Variants in TANK observed in about 807,000 individuals in gnomAD.
TANK encodes the protein TRAF family member-associated NF-kappa-B activator.
A neutral mutation model predicts 43.6 loss-of-function variants in TANK; 15 were observed. The observed-to-expected ratio is 0.34, with a 90% CI of 0.23 to 0.53. The LOEUF (loss-of-function observed/expected upper bound fraction) is 0.53, where lower values mean the gene tolerates loss of function less well. TANK is among the 20% of genes least tolerant of loss of function. The pLI is 0.94. For missense variants in TANK, 417 were observed against 498.6 expected, an observed-to-expected ratio of 0.84 and a Z score of 1.56; for synonymous variants, 162 against 178.2, an observed-to-expected ratio of 0.91 and a Z score of 0.73.
At position 161,231,039 on chromosome 2, in the gene TANK, C is replaced by A; in HGVS notation, c.589C>A (p.Gln197Lys). ...TDKQEALFKP[Q>K]AKDDINRGAP... ...TAAACAAGAAGCGCTGTTTAAGCCT[C>A]AGGCTAAAGATGATATAAATAGAGG... Residue 197 changes from glutamine (Q) to lysine (K), a missense_variant, in exon 7 of 8, where the codon CAG becomes AAG. Physicochemically the swap from Gln to Lys is moderately conservative, Grantham distance 53 (BLOSUM62 1). Transcript: ENST00000392749. 6.2e-7 allele frequency: 1 copy of A among 1,614,086 alleles called. No homozygotes were observed. The highest frequency in any genetic ancestry group is 8.5e-7 in the Non-Finnish European group (1 of 1,179,998).
intron 1 of TANK, among the ~76,000 whole-genome samples, chr2:161,138,397 T>C (rs1051783954): frequency 6.6e-6 from 1 of 152,198 alleles, no homozygotes; most frequent in African/African-American, 2.4e-5. Context: ...TGCATTCTTA[T>C]AATGTTAAAA....
chr2:161,147,296 C>CA (rs940458493), intron 1 of TANK, among the ~76,000 whole-genome samples: 1 of 152,230 alleles, frequency 6.6e-6, no homozygotes, highest in African/African-American at 2.4e-5. Flanking sequence ...TCTCTCCCCC[C>CA]AAGGAGCTCA....
intron 2 of TANK, among the ~76,000 whole-genome samples, chr2:161,195,833 C>T (rs183833800): frequency 8.5e-5 from 13 of 152,288 alleles, no homozygotes; most frequent in Non-Finnish European, 1.2e-4. Flanking sequence ...GTAATACTAG[C>T]ACTTTTTTTG....
intron 1 of TANK, 176 bp downstream of exon 1, chr2:161,160,662 C>T (rs1684376792): frequency 2.1e-6 from 1 of 481,548 alleles, no homozygotes; most frequent in African/African-American, 2.0e-5. Flanking sequence ...GCGGGAGAAA[C>T]CACGCGAGTC....
intron 1 of TANK, chr2:161,161,290 G>A: frequency 6.4e-7 from 1 of 1,550,616 alleles, no homozygotes; most frequent in Non-Finnish European, 8.7e-7. Flanking sequence ...CACAGGAGAT[G>A]CTTTTGACAA....
chr2:161,216,129 A>G (rs958116923), intron 4 of TANK, among the ~76,000 whole-genome samples: 4 of 152,112 alleles, frequency 2.6e-5, no homozygotes, highest in East Asian at 1.9e-4. Context: ...AAGTAATTCC[A>G]TATTTAATGG....
At chr2:161,160,736 C>T in intron 1 of TANK, 3 of 543,564 alleles carry the variant, frequency 5.5e-6, no homozygotes, top group South Asian at 5.1e-5. Context: ...ATAGCATCGT[C>T]GGCCTCTGCC....
intron 2 of TANK, among the ~76,000 whole-genome samples, chr2:161,188,771 G>A (rs991572895): frequency 2.6e-5 from 4 of 152,076 alleles, no homozygotes; most frequent in Admixed American, 6.6e-5. Flanking sequence ...AATGTTTGTC[G>A]CCTCCAAAAC....
At chr2:161,150,089 T>A (rs957408162) in intron 1 of TANK, among the ~76,000 whole-genome samples, 1 of 152,184 alleles carries the variant, frequency 6.6e-6, no homozygotes, top group Non-Finnish European at 1.5e-5. Flanking sequence ...AATTCACCAG[T>A]GAAGCTATCT....
At chr2:161,230,234 T>C (rs1687841058) in intron 6 of TANK, among the ~76,000 whole-genome samples, 1 of 152,232 alleles carries the variant, frequency 6.6e-6, no homozygotes, top group Non-Finnish European at 1.5e-5. Context: ...CTCTGTTTTC[T>C]TTCTAGCTTT....
At chr2:161,167,477 G>C (rs1316667711) in intron 1 of TANK, among the ~76,000 whole-genome samples, 1 of 152,122 alleles carries the variant, frequency 6.6e-6, no homozygotes, top group Non-Finnish European at 1.5e-5. Context: ...TGTATCTATT[G>C]TCAACCTAAA....
intron 1 of TANK, chr2:161,162,617 TTTA>T (rs915762142): frequency 6.6e-6 from 1 of 152,126 alleles, no homozygotes; most frequent in Non-Finnish European, 1.5e-5. Context: ...TGGGGATGTT[TTTA>T]TTATGTCATC....
intron 2 of TANK, among the ~76,000 whole-genome samples, chr2:161,202,212 C>CA (rs1262816687): frequency 9.7e-6 from 1 of 102,930 alleles, no homozygotes; most frequent in Non-Finnish European, 1.8e-5. Context: ...TTTTTTGAGA[C>CA]AGAGTCTGGA....
At chr2:161,229,944 T>C (rs148055248) in intron 6 of TANK, among the ~76,000 whole-genome samples, 1 of 152,178 alleles carries the variant, frequency 6.6e-6, no homozygotes, top group African/African-American at 2.4e-5. Flanking sequence ...TTGATGATTG[T>C]TTTTTTGTAT....
chr2:161,217,274 A>G (rs1687158590), intron 4 of TANK, among the ~76,000 whole-genome samples: 1 of 152,174 alleles, frequency 6.6e-6, no homozygotes, highest in South Asian at 2.1e-4. Context: ...CACAACCTGG[A>G]GACTGCCAGA....
chr2:161,206,514 C>CT (rs1213295394), intron 4 of TANK, among the ~76,000 whole-genome samples: 21 of 152,094 alleles, frequency 1.4e-4, no homozygotes, highest in African/African-American at 5.1e-4. Context: ...ATTTTGAGAG[C>CT]TTTTTTCTAT....
intron 2 of TANK, among the ~76,000 whole-genome samples, chr2:161,201,577 A>G (rs1030100126): frequency 6.6e-6 from 1 of 152,162 alleles, no homozygotes; most frequent in African/African-American, 2.4e-5. Context: ...GTACTTATTG[A>G]TTGATGTTTG....
chr2:161,167,700 G>GCAAGCTCCGCTTCCTGGGTTCACTC (rs1362932869), intron 1 of TANK, among the ~76,000 whole-genome samples: 1 of 152,058 alleles, frequency 6.6e-6, no homozygotes, highest in Non-Finnish European at 1.5e-5. Flanking sequence ...TTGTCTCACT[G>GCAAGCTCCGCTTCCTGGGTTCACTC]CAAGCTCCGC....
chr2:161,212,029 G>A (rs1028786412), intron 4 of TANK: 1 of 862,250 alleles, frequency 1.2e-6, no homozygotes, highest in South Asian at 5.4e-5. Context: ...TTCATTAAAA[G>A]TTCAGTTTTT....
Sources: allele counts gnomAD v4.1 joint callset (sites outside exome capture counted in the v4.1 genomes callset), GRCh38; gene constraint gnomAD v4.1.1; transcripts MANE v1.5; gene names NCBI Gene and HGNC (gene_info 2026-07-23, HGNC 2026-07-21).